TSPAN8: variants seen among roughly 807,000 people sequenced by gnomAD.
TSPAN8 encodes tetraspanin 8, also known as tetraspanin-8.
In TSPAN8, 21 loss-of-function variants were observed where a neutral mutation model predicts 32.8. That is an observed-to-expected ratio of 0.64 (90% confidence interval 0.45 to 0.92). TSPAN8 has a LOEUF of 0.92. Ranked by LOEUF, TSPAN8 falls within the 40% of genes least tolerant of loss-of-function variation. The probability of loss-of-function intolerance (pLI) is 0.00; values close to 1 mark genes in which losing one functional copy is unlikely to be tolerated. For synonymous variants in TSPAN8, 95 were observed against 94.6 expected (o/e 1.00, Z -0.03); for missense variants, 269 against 281.9 (o/e 0.95, Z 0.33).
intron 8 of TSPAN8, 83 bp downstream of exon 8, chr12:71,129,248 T>A: frequency 7.4e-7 from 1 of 1,353,574 alleles, no homozygotes; most frequent in Non-Finnish European, 9.8e-7. Flanking sequence ...TTTTTTCTGT[T>A]TGTTTGTTCA....
intron 7 of TSPAN8, among the ~76,000 whole-genome samples, chr12:71,130,496 G>GA (rs1871487349): frequency 6.6e-6 from 1 of 152,062 alleles, no homozygotes; most frequent in South Asian, 2.1e-4. Flanking sequence ...TTTTTAAATG[G>GA]AAAAAGACTA....
chr12:71,154,475 C>T (rs1872363465), intron 2 of TSPAN8, among the ~76,000 whole-genome samples: 1 of 151,852 alleles, frequency 6.6e-6, no homozygotes, highest in African/African-American at 2.4e-5. Context: ...TAACCTACCC[C>T]TTCCTAGACT....
chr12:71,151,634 A>G (rs1872258800), intron 2 of TSPAN8, among the ~76,000 whole-genome samples: 1 of 152,362 alleles, frequency 6.6e-6, no homozygotes, highest in South Asian at 2.1e-4. Flanking sequence ...TATAAGTAAC[A>G]GTTGTAGACC....
chr12:71,128,609 G>T (rs1463334207), intron 8 of TSPAN8, among the ~76,000 whole-genome samples: 1 of 149,690 alleles, frequency 6.7e-6, no homozygotes, highest in Non-Finnish European at 1.5e-5. Flanking sequence ...TCTTGGCAAA[G>T]ATTTTTAGGC....
chr12:71,132,888 TA>T, intron 6 of TSPAN8, 64 bp from the exon 7 acceptor site: 1 of 1,556,246 alleles, frequency 6.4e-7, no homozygotes, highest in Non-Finnish European at 8.8e-7. Flanking sequence ...GGCAATACAT[TA>T]AATTATAATC....
chr12:71,130,476 T>C (rs1043009513), intron 7 of TSPAN8, among the ~76,000 whole-genome samples: 5 of 152,212 alleles, frequency 3.3e-5, no homozygotes, highest in African/African-American at 1.2e-4. Flanking sequence ...TTGTAAATTA[T>C]GTGAAGAATT....
At chr12:71,142,083 G>GT in intron 3 of TSPAN8, among the ~76,000 whole-genome samples, 2 of 152,236 alleles carry the variant, frequency 1.3e-5, no homozygotes, top group Admixed American at 6.5e-5. Flanking sequence ...AGCTACCTCT[G>GT]TTTTTTCACT....
At chr12:71,139,155 GGA>G (rs1410528079) in intron 4 of TSPAN8, 1 of 456,166 alleles carries the variant, frequency 2.2e-6, no homozygotes, top group South Asian at 1.5e-5. Context: ...ACCCACACTT[GGA>G]TTCATCTTCC....
intron 2 of TSPAN8, among the ~76,000 whole-genome samples, chr12:71,153,925 G>A (rs561913780): frequency 5.3e-5 from 8 of 152,262 alleles, no homozygotes; most frequent in East Asian, 1.9e-4. Context: ...ACCAAGGCAC[G>A]TTAGTTAGAA....
chr12:71,127,657 G>A (rs958512361), intron 8 of TSPAN8, among the ~76,000 whole-genome samples: 20 of 151,954 alleles, frequency 1.3e-4, no homozygotes, highest in African/African-American at 3.9e-4. Context: ...ATTAATACAT[G>A]GAATATAACA....
At position 71,157,829 on chromosome 12, in the gene TSPAN8, T is replaced by C. The variant is rs140008352; in HGVS notation, c.-109-42A>G. On this transcript the variant is annotated intron_variant, in intron 1 of 8. Transcript: ENST00000247829. ...GAAAGCAAAGAAGTAGAGGGAGGAA[T>C]AAAAAGTTATTAAACTGGATAAAAA... 126 of 609,616 alleles carry C rather than the reference T, an allele frequency of 2.1e-4. No homozygotes were observed. The East Asian group carries it at 3.3e-3, about 16-fold the overall frequency. 37.8% of individuals were successfully genotyped at this position (609,616 alleles called of 1,614,324 possible). A position where few individuals can be genotyped will look rare whatever the true frequency, so the allele number is the denominator to read the frequency against.
intron 2 of TSPAN8, among the ~76,000 whole-genome samples, chr12:71,151,044 T>C (rs766841047): frequency 6.6e-6 from 1 of 151,916 alleles, no homozygotes; most frequent in Non-Finnish European, 1.5e-5. Context: ...TGTGTCTCCA[T>C]GATTGCATTC....
At chr12:71,138,093 G>A (rs776143247) in intron 5 of TSPAN8, 33 bp from the exon 6 acceptor site, 35 of 1,610,096 alleles carry the variant, frequency 2.2e-5, no homozygotes, top group Middle Eastern at 1.7e-4. Context: ...CATTATTCAC[G>A]CCACAAGGTA....
At chr12:71,156,081 T>G (rs865853077) in intron 2 of TSPAN8, among the ~76,000 whole-genome samples, 6 of 151,894 alleles carry the variant, frequency 4.0e-5, no homozygotes, top group Admixed American at 6.6e-5. Flanking sequence ...TATACTAAAA[T>G]GCTTACAGAC....
intron 6 of TSPAN8, among the ~76,000 whole-genome samples, chr12:71,137,603 CCA>C (rs955987758): frequency 1.5e-4 from 11 of 72,730 alleles, no homozygotes; most frequent in Non-Finnish European, 3.2e-4. Flanking sequence ...CTGTCCCCCC[CCA>C]AAAAAAAGGG....
intron 2 of TSPAN8, among the ~76,000 whole-genome samples, chr12:71,150,232 G>A (rs938508671): frequency 1.3e-5 from 2 of 152,140 alleles, no homozygotes; most frequent in South Asian, 4.1e-4. Context: ...CACATGCACC[G>A]CTGAACACAG....
In TSPAN8 at chr12:71,137,967, C is replaced by A. The variant is rs781367072; in HGVS notation, c.430G>T (p.Val144Leu). The A allele has an allele frequency of 6.2e-7, 1 of 1,613,380 alleles. No homozygotes were observed. Residue 144 changes from valine to leucine, a missense_variant, in exon 6 of 9, where the codon GTG (valine) becomes TTG (leucine). Physicochemically the swap from Val to Leu is conservative, Grantham distance 32. Transcript: ENST00000247829. The part of the protein sequence containing the change: ...SEKQFQEAII[V>L]FQEEFKCCGL... ...ATTCTAATTACCTCTTCTTGAAACA[C>A]AATTATGGCTTCCTGGAATTGTTTT...
At chr12:71,149,884 T>C (rs1464610945) in intron 2 of TSPAN8, among the ~76,000 whole-genome samples, 1 of 152,176 alleles carries the variant, frequency 6.6e-6, no homozygotes, top group Non-Finnish European at 1.5e-5. Flanking sequence ...TCTGACTGCC[T>C]GTGGGGTCGA....
In TSPAN8 at chr12:71,125,217, G is replaced by T; in HGVS notation, c.*117C>A. On this transcript the variant is annotated 3_prime_UTR_variant, in exon 9 of 9. Transcript: ENST00000247829. The stretch of plus-strand genomic sequence containing the variant: ...AGATATCTGTGGTCTAGCTAGCCGA[G>T]ACATTTTAAAAAGACAGCTGCTCCT... 3 of 811,218 alleles carry T rather than the reference G, an allele frequency of 3.7e-6. No individual in the cohort carries two copies. The highest frequency in any genetic ancestry group is 6.0e-6 in the Non-Finnish European group (3 of 501,976). The allele number at this position is 811,218 out of a possible 1,614,324, so 50.3% of individuals were successfully genotyped here. A position where few individuals can be genotyped will look rare whatever the true frequency, so the allele number is the denominator to read the frequency against.
Sources: allele counts gnomAD v4.1 joint callset (sites outside exome capture counted in the v4.1 genomes callset), GRCh38; gene constraint gnomAD v4.1.1; transcripts MANE v1.5; gene names NCBI Gene and HGNC (gene_info 2026-07-23, HGNC 2026-07-21).